Variants in FANCL observed in about 807,000 individuals in gnomAD.
The protein encoded by FANCL is E3 ubiquitin-protein ligase FANCL.
FANCL carries 69 observed loss-of-function variants against 59.4 expected under a neutral mutation model. The observed-to-expected ratio is 1.16, with a 90% confidence interval of 0.96 to 1.42. The LOEUF is 1.42. FANCL is among the 40% of genes most tolerant of loss of function. The pLI is 0.00. For synonymous variants in FANCL, 180 were observed against 147.1 expected, an observed-to-expected ratio of 1.22 and a Z score of -1.62; for missense variants, 519 against 447.2, an observed-to-expected ratio of 1.16 and a Z score of -1.45.
intron 5 of FANCL, among the ~76,000 whole-genome samples, chr2:58,219,171 A>AAAAAAAAATATATAT (rs1558810201): frequency 5.2e-5 from 1 of 19,262 alleles, no homozygotes; most frequent in Non-Finnish European, 9.0e-5. Context: ...AAAAAAAAAA[A>AAAAAAAAATATATAT]ATATATATAT....
intron 5 of FANCL, among the ~76,000 whole-genome samples, chr2:58,217,216 AC>A (rs1691917678): frequency 1.6e-4 from 1 of 6,402 alleles, no homozygotes; most frequent in Non-Finnish European, 3.3e-4. Flanking sequence ...ATATATATAT[AC>A]ACACACACAC....
chr2:58,221,676 T>C (rs1333793534), intron 5 of FANCL, among the ~76,000 whole-genome samples: 1 of 152,196 alleles, frequency 6.6e-6, no homozygotes, highest in African/African-American at 2.4e-5. Flanking sequence ...CAGTTGTATG[T>C]TCAGTGAAAG....
intron 7 of FANCL, among the ~76,000 whole-genome samples, chr2:58,193,749 C>T (rs1400329297): frequency 6.6e-6 from 1 of 152,078 alleles, no homozygotes; most frequent in East Asian, 1.9e-4. Context: ...AGGATTATTA[C>T]AGTGAAAAAC....
intron 11 of FANCL, 147 bp downstream of exon 11, chr2:58,162,719 T>C: frequency 1.4e-6 from 1 of 715,360 alleles, no homozygotes; most frequent in Non-Finnish European, 2.4e-6. Flanking sequence ...CAATCAAAGG[T>C]AAACAAGTTT....
In FANCL at chr2:58,162,437, A is replaced by G. The variant is rs115916037; in HGVS notation, c.903+429T>C. 3.9e-5 allele frequency among the ~76,000 whole-genome samples: 6 copies of G among 152,090 alleles called. No homozygotes were observed. In the East Asian group the frequency reaches 1.2e-3, roughly 29 times the overall value. On this transcript the variant is annotated intron_variant, in intron 11 of 13. Transcript: ENST00000233741. The stretch of plus-strand genomic sequence containing the variant: ...CGTCACTACTGAAGACCATGAAAAA[A>G]GTATATAGTTGACCCTTGAACAACA...
chr2:58,200,266 T>G (rs368604691), intron 6 of FANCL, among the ~76,000 whole-genome samples: 1 of 152,052 alleles, frequency 6.6e-6, no homozygotes, highest in East Asian at 1.9e-4. Context: ...TCAAAGTAAA[T>G]GTAGACAGAG....
At chr2:58,180,836 T>A (rs539253359) in intron 7 of FANCL, among the ~76,000 whole-genome samples, 2 of 151,904 alleles carry the variant, frequency 1.3e-5, no homozygotes, top group East Asian at 3.9e-4. Flanking sequence ...ATTTGTAATG[T>A]GCAAAGTAAT....
chr2:58,198,735 T>C (rs551802921), intron 6 of FANCL, 73 bp from the exon 7 acceptor site: 3 of 1,232,286 alleles, frequency 2.4e-6, no homozygotes, highest in Non-Finnish European at 3.6e-6. Context: ...TTAGAAAAAC[T>C]AGATGTATTA....
rs561414110 is a variant in FANCL, at chr2:58,177,687, C to T, written c.541-11813G>A. On this transcript the variant is annotated intron_variant, in intron 7 of 13. Transcript: ENST00000233741. ...AGGAGATATACTTAATGCTAAATGA[C>T]GAGTTAACGGGTGCAGCACACCAGC... Among the ~76,000 whole-genome samples the T allele has an allele frequency of 1.7e-4, 25 of 149,452 alleles. 1 individual carries two copies. The East Asian group carries it at 4.2e-3, about 25-fold the overall frequency.
chr2:58,192,487 C>A (rs1026865691), intron 7 of FANCL, among the ~76,000 whole-genome samples: 1 of 151,726 alleles, frequency 6.6e-6, no homozygotes, highest in African/African-American at 2.4e-5. Flanking sequence ...ATAATAAAAA[C>A]GAGGGTGACA....
At chr2:58,212,541 G>A (rs529222705) in intron 5 of FANCL, among the ~76,000 whole-genome samples, 1 of 152,212 alleles carries the variant, frequency 6.6e-6, no homozygotes, top group East Asian at 1.9e-4. Context: ...TAGGCAAAAT[G>A]GTATGCATGA....
At chr2:58,220,257 G>A (rs140604961) in intron 5 of FANCL, among the ~76,000 whole-genome samples, 2 of 152,146 alleles carry the variant, frequency 1.3e-5, no homozygotes, top group Non-Finnish European at 2.9e-5. Flanking sequence ...TAAGGAAAAC[G>A]GTAAGGTAAA....
chr2:58,213,735 AG>A (rs111387910), intron 5 of FANCL: 1 of 149,468 alleles, frequency 6.7e-6, no homozygotes, highest in Non-Finnish European at 1.5e-5. Flanking sequence ...AAAAAAAGAG[AG>A]GGAAAAAAAG....
Position 58,159,729 on chromosome 2 carries a change from GT to G in FANCL, c.*35del. On this transcript the variant is annotated 3_prime_UTR_variant, in exon 14 of 14. Transcript: ENST00000233741. ...AAAATTCCTTTTGATAATTTTTTAA[GT>G]TTCCAGCTCTTCACCGAAATGTTGT... The G allele has an allele frequency of 6.2e-7, 1 of 1,612,370 alleles. No homozygotes were observed. The highest frequency in any genetic ancestry group is 8.5e-7 in the Non-Finnish European group (1 of 1,179,402).
intron 6 of FANCL, among the ~76,000 whole-genome samples, chr2:58,199,183 G>A (rs1689749559): frequency 6.6e-6 from 1 of 152,112 alleles, no homozygotes; most frequent in Non-Finnish European, 1.5e-5. Flanking sequence ...TTGGTGATTT[G>A]GAAGTGCCAA....
intron 7 of FANCL, among the ~76,000 whole-genome samples, chr2:58,187,066 T>C (rs1008887214): frequency 6.6e-6 from 1 of 152,088 alleles, no homozygotes; most frequent in Admixed American, 6.6e-5. Context: ...CATGACTGGG[T>C]ATATACCCAA....
At chr2:58,227,835 G>A (rs1047945516) in intron 3 of FANCL, among the ~76,000 whole-genome samples, 2 of 151,942 alleles carry the variant, frequency 1.3e-5, no homozygotes, top group African/African-American at 2.4e-5. Context: ...CTTCCCTGCC[G>A]CCCTTCTGTA....
intron 7 of FANCL, among the ~76,000 whole-genome samples, chr2:58,177,065 T>C (rs573774147): frequency 2.0e-5 from 3 of 152,212 alleles, no homozygotes; most frequent in African/African-American, 7.2e-5. Context: ...GAAATGCAAA[T>C]CAAAACCACA....
At chr2:58,221,187 CA>C (rs879762449) in intron 5 of FANCL, among the ~76,000 whole-genome samples, 160 of 136,636 alleles carry the variant, frequency 1.2e-3, no homozygotes, top group Non-Finnish European at 1.1e-3. Flanking sequence ...GACTCGGTCT[CA>C]AAAAAAAAAA....
Sources: allele counts gnomAD v4.1 joint callset (sites outside exome capture counted in the v4.1 genomes callset), GRCh38; gene constraint gnomAD v4.1.1; transcripts MANE v1.5; gene names NCBI Gene and HGNC (gene_info 2026-07-23, HGNC 2026-07-21).